Variants in ELL2 observed in about 807,000 individuals in gnomAD.
ELL2 encodes RNA polymerase II elongation factor ELL2.
ELL2 carries 21 observed loss-of-function variants against 72.8 expected under a neutral mutation model. That is an observed-to-expected ratio of 0.29 (90% CI 0.20 to 0.42). The LOEUF is 0.42. Among genes scored for constraint, ELL2 ranks in the 10% least tolerant of loss-of-function variants. The probability of loss-of-function intolerance (pLI) is 1.00; values close to 1 mark genes in which losing one functional copy is unlikely to be tolerated. For missense variants in ELL2, 568 were observed against 772.8 expected (o/e 0.73, Z 3.14); for synonymous variants, 266 against 283.2 (o/e 0.94, Z 0.61).
rs766253924 is a variant in ELL2 at position 95,900,743 on chromosome 5, G to A, written c.904C>T (p.Arg302Cys). 3.5e-5 allele frequency: 57 copies of A among 1,609,778 alleles called. No individual in the cohort carries two copies. Among genetic ancestry groups the A allele is most frequent in the Non-Finnish European group, 4.6e-5 (54 of 1,178,184 alleles). The change falls in exon 7 of 12, where the codon CGT becomes TGT. Residue 302 changes from arginine (R) to cysteine (C), a missense_variant. Around this residue, in one of 2 missense-constraint regions of ELL2, gnomAD observed 511 missense variants for 728.4 expected, o/e 0.70. Coordinates refer to ENST00000237853, the MANE Select transcript of ELL2 (RefSeq NM_012081.6). ...CTAGAACATACAGGAGATTCTGAACGGCTGGTGCCTGCAGCATTCTGAGAC... is the reference window on the plus strand; with the variant it reads ...CTAGAACATACAGGAGATTCTGAACAGCTGGTGCCTGCAGCATTCTGAGAC... ...NPSQNAAGTS[R>C]SESPVCSSRD...
At chr5:95,889,360 C>T (rs1466668548) in intron 10 of ELL2, among the ~76,000 whole-genome samples, 3 of 152,174 alleles carry the variant, frequency 2.0e-5, no homozygotes, top group African/African-American at 7.2e-5. Context: ...GTGAATGACA[C>T]ATATACAAGA....
chr5:95,889,350 G>C (rs956309636), intron 10 of ELL2, among the ~76,000 whole-genome samples: 1 of 152,188 alleles, frequency 6.6e-6, no homozygotes, highest in African/African-American at 2.4e-5. Context: ...TTGCTCCCCA[G>C]TGAATGACAC....
At chr5:95,907,932 G>A (rs766455020) in intron 4 of ELL2, among the ~76,000 whole-genome samples, 1 of 152,198 alleles carries the variant, frequency 6.6e-6, no homozygotes, top group Non-Finnish European at 1.5e-5. Flanking sequence ...TCCATGCTGG[G>A]CTCCCCAGGC....
intron 2 of ELL2, among the ~76,000 whole-genome samples, chr5:95,936,014 C>T (rs1439675723): frequency 6.6e-6 from 1 of 152,142 alleles, no homozygotes; most frequent in Non-Finnish European, 1.5e-5. Flanking sequence ...AAGGTCATGG[C>T]ATTAATTTAG....
At chr5:95,939,455 G>T (rs531181680) in intron 2 of ELL2, among the ~76,000 whole-genome samples, 3 of 152,310 alleles carry the variant, frequency 2.0e-5, no homozygotes, top group South Asian at 2.1e-4. Flanking sequence ...GAAAAAAGCA[G>T]AACAACAAAT....
At chr5:95,890,926 C>G in intron 10 of ELL2, 177 bp downstream of exon 10, 1 of 714,530 alleles carries the variant, frequency 1.4e-6, no homozygotes. Context: ...TACAGGTTTA[C>G]TATGTTAATT....
In ELL2 at chr5:95,888,951, C is replaced by G. The variant is rs771107682; in HGVS notation, c.1843G>C (p.Glu615Gln). Residue 615 changes from glutamate to glutamine, a missense_variant, in exon 12 of 12, where the codon GAA (glutamate) becomes CAA (glutamine). By Grantham distance (29) the Glu-to-Gln change is conservative (BLOSUM62 2). Transcript: ENST00000237853. ...PNYHEEKYRC[E>Q]YLHNKLAHIK... ...TGAGCCAGCTTGTTATGAAGATATT[C>G]ACATCTGTATTTTTCTTCATGGTAA... is the stretch of plus-strand genomic sequence containing the variant. 23 of 1,585,628 alleles carry G rather than the reference C, an allele frequency of 1.5e-5. No individual in the cohort carries two copies. The highest frequency in any genetic ancestry group is 2.0e-5 in the Non-Finnish European group (23 of 1,166,968).
rs528720556 is a variant in ELL2 at position 95,902,348 on chromosome 5, A to T, written c.742-1268T>A. 7.5e-4 allele frequency among the ~76,000 whole-genome samples: 114 copies of T among 152,322 alleles called. 1 individual carries two copies. The highest frequency in any genetic ancestry group is 2.1e-3 in the African/African-American group (89 of 41,566). ...AACCAATAAATGAAAACATATGCCT[A>T]GAGAACCCCCAAATTACTGTTATTA... On this transcript the variant is annotated intron_variant, in intron 5 of 11. Coordinates refer to ENST00000237853, the MANE Select transcript of ELL2 (RefSeq NM_012081.6).
At chr5:95,949,812 A>G (rs1439196841) in intron 1 of ELL2, among the ~76,000 whole-genome samples, 2 of 152,188 alleles carry the variant, frequency 1.3e-5, no homozygotes, top group Admixed American at 6.5e-5. Context: ...TGGATTGTTT[A>G]AAGAAACAGT....
At chr5:95,905,742 G>C (rs934354042) in intron 5 of ELL2, among the ~76,000 whole-genome samples, 2 of 134,430 alleles carry the variant, frequency 1.5e-5, no homozygotes, top group East Asian at 7.1e-4. Flanking sequence ...ATCAAAACCT[G>C]TAGGGTTTTT....
chr5:95,897,820 T>C (rs894908593), intron 8 of ELL2, among the ~76,000 whole-genome samples: 1 of 152,360 alleles, frequency 6.6e-6, no homozygotes, highest in Non-Finnish European at 1.5e-5. Context: ...CTAATATTAA[T>C]TGAAGCAAGG....
At chr5:95,893,848 T>C (rs1195805041) in intron 9 of ELL2, among the ~76,000 whole-genome samples, 1 of 152,214 alleles carries the variant, frequency 6.6e-6, no homozygotes, top group Non-Finnish European at 1.5e-5. Flanking sequence ...ATTGTGTTTA[T>C]TTAAATAAAT....
At chr5:95,932,215 T>A (rs994350665) in intron 2 of ELL2, among the ~76,000 whole-genome samples, 1 of 152,200 alleles carries the variant, frequency 6.6e-6, no homozygotes, top group African/African-American at 2.4e-5. Flanking sequence ...TGTATAAAGC[T>A]ATTGATATGC....
intron 2 of ELL2, among the ~76,000 whole-genome samples, chr5:95,927,253 C>G (rs1366333428): frequency 2.0e-5 from 3 of 150,540 alleles, no homozygotes; most frequent in Non-Finnish European, 4.4e-5. Flanking sequence ...GTACAGGCAG[C>G]AGGATTCCTA....
chr5:95,935,469 A>T (rs6883880), intron 2 of ELL2, among the ~76,000 whole-genome samples: 38,207 of 152,102 alleles, frequency 0.25, 5,087 homozygotes, highest in East Asian at 0.38. Flanking sequence ...GCTAGAAAAA[A>T]AATTACTCTT....
At chr5:95,902,180 T>C (rs1445467953) in intron 5 of ELL2, among the ~76,000 whole-genome samples, 1 of 152,226 alleles carries the variant, frequency 6.6e-6, no homozygotes, top group East Asian at 1.9e-4. Flanking sequence ...AAACTTTCCT[T>C]TCAGTCATCA....
rs536370750 is a variant in ELL2, at chr5:95,929,637, CTTAGA to C, written c.196-10097_196-10093del. 3.9e-5 allele frequency among the ~76,000 whole-genome samples: 6 copies of C among 152,100 alleles called. 1 individual carries two copies. The highest frequency in any genetic ancestry group is 1.4e-4 in the African/African-American group (6 of 41,514). On this transcript the variant is annotated intron_variant, in intron 2 of 11. Coordinates refer to ENST00000237853, the MANE Select transcript of ELL2 (RefSeq NM_012081.6). ...TATTTGTTAGATTTATCTGAAGAAACTTAGATTAAATTCACTCAGAAGGTGCCTTA... is the reference window on the plus strand; with the variant it reads ...TATTTGTTAGATTTATCTGAAGAAACTTAAATTCACTCAGAAGGTGCCTTA...
chr5:95,950,259 G>A (rs536507449), intron 1 of ELL2, among the ~76,000 whole-genome samples: 3 of 152,248 alleles, frequency 2.0e-5, no homozygotes, highest in Non-Finnish European at 4.4e-5. Flanking sequence ...TGCTATTTAA[G>A]AACTGGTAGT....
intron 2 of ELL2, among the ~76,000 whole-genome samples, chr5:95,928,029 A>G (rs1466608743): frequency 1.3e-5 from 2 of 151,786 alleles, no homozygotes; most frequent in African/African-American, 4.8e-5. Context: ...AAGTATTTAG[A>G]AGAACACAGG....
Sources: gnomAD v4.1 joint callset for allele counts (sites outside exome capture counted in the v4.1 genomes callset) on GRCh38, gnomAD v4.1.1 for gene constraint, gnomAD v4.1.1 regional missense constraint, MANE v1.5 for transcripts, NCBI Gene and HGNC (gene_info 2026-07-23, HGNC 2026-07-21) for gene names.